Variants in PNKP observed in about 807,000 individuals in gnomAD.
PNKP encodes the protein polynucleotide kinase 3'-phosphatase.
A neutral mutation model predicts 66.2 loss-of-function variants in PNKP; 82 were observed. The observed-to-expected ratio is 1.24, with a 90% confidence interval of 1.04 to 1.49. The LOEUF is 1.49. PNKP is among the 40% of genes most tolerant of loss of function. The pLI is 0.00. For synonymous variants in PNKP, 412 were observed against 298.9 expected, an observed-to-expected ratio of 1.38 and a Z score of -3.90; for missense variants, 907 against 706.8, an observed-to-expected ratio of 1.28 and a Z score of -3.21.
chr19:49,864,214 G>C lies in PNKP; in HGVS notation c.601C>G (p.Arg201Gly), dbSNP rs1456488135. 2 of 1,614,156 alleles carry C rather than the reference G, an allele frequency of 1.2e-6. No homozygotes were observed. The highest frequency in any genetic ancestry group is 1.7e-6 in the Non-Finnish European group (2 of 1,180,026). The change falls in exon 6 of 17, where the codon CGT becomes GGT. Residue 201 changes from arginine (R) to glycine (G), a missense_variant. Transcript: ENST00000322344. ...DWRILYPEIP[R>G]KLRELEAEGY... The stretch of plus-strand genomic sequence containing the variant: ...TCGGCTTCCAGCTCTCGGAGCTTAC[G>C]GGGAATCTCTGGGTACAAGATCCTA...
Position 49,864,071 on chromosome 19 carries a change from GCTGGGGA to G in PNKP, c.637-7_637-1del. ...CTCATCTGGTTGGTGAAGATCACCAGCTGGGGAGCAAAGGGTGTCACCAGACGCTCTG... is the reference window on the plus strand; with the variant it reads ...CTCATCTGGTTGGTGAAGATCACCAGGCAAAGGGTGTCACCAGACGCTCTG... On this transcript the variant is annotated splice_acceptor_variant and splice_polypyrimidine_tract_variant and intron_variant, in intron 6 of 16. Coordinates refer to ENST00000322344, the MANE Select transcript of PNKP (RefSeq NM_007254.4). LOFTEE classifies it high-confidence loss of function. 6.2e-7 allele frequency: 1 copy of G among 1,613,570 alleles called. No homozygotes were observed. Among genetic ancestry groups the G allele is most frequent in the Non-Finnish European group, 8.5e-7 (1 of 1,179,678 alleles).
In PNKP at chr19:49,863,026, G is replaced by A. The variant is rs372618359; in HGVS notation, c.817-288C>T. ...CTACAGCTCCAGCCTCCGGCGTGCCGGCGCCTCCCAGGTTCCCCCTCCCTC... is the reference window on the plus strand; with the variant it reads ...CTACAGCTCCAGCCTCCGGCGTGCCAGCGCCTCCCAGGTTCCCCCTCCCTC... On this transcript the variant is annotated intron_variant, in intron 8 of 16. Coordinates refer to ENST00000322344, the MANE Select transcript of PNKP (RefSeq NM_007254.4). Among the ~76,000 whole-genome samples the A allele has an allele frequency of 2.1e-4, 32 of 152,170 alleles. No homozygotes were observed. In the East Asian group the frequency reaches 4.5e-3, roughly 21 times the overall value.
Position 49,861,792 on chromosome 19 carries a change from T to A in PNKP, c.1278A>T (p.Pro426=). 6.4e-7 allele frequency: 1 copy of A among 1,570,926 alleles called. No homozygotes were observed. Among genetic ancestry groups the A allele is most frequent in the Non-Finnish European group, 8.6e-7 (1 of 1,161,740 alleles). ...GCTACCTGGCGCGGCTCGCGGCGTC[T>A]GGGTTTGTGTTGTCGATGGCGACCC... ...GKRVAIDNTN[P]DAASRARYVQ... The change falls in exon 14 of 17, where the codon CCA becomes CCT. Residue 426 remains proline (P), a synonymous_variant. Coordinates refer to ENST00000322344, the MANE Select transcript of PNKP (RefSeq NM_007254.4).
In PNKP at chr19:49,862,169, G is replaced by A. The variant is rs769238431; in HGVS notation, c.1126+16C>T. The A allele has an allele frequency of 8.7e-6, 14 of 1,613,582 alleles. No individual in the cohort carries two copies. In the East Asian group the frequency reaches 3.1e-4, roughly 36 times the overall value. On this transcript the variant is annotated intron_variant, in intron 12 of 16. Coordinates refer to ENST00000322344, the MANE Select transcript of PNKP (RefSeq NM_007254.4). ...AGGCGGGGCTCAGGGCACGCGCACAGGAACAGGACACTTACCCCCAGGGAA... is the reference window on the plus strand; with the variant it reads ...AGGCGGGGCTCAGGGCACGCGCACAAGAACAGGACACTTACCCCCAGGGAA...
intron 8 of PNKP, 108 bp from the exon 9 acceptor site, chr19:49,862,846 C>A (rs1298421793): frequency 8.3e-7 from 1 of 1,209,196 alleles, no homozygotes; most frequent in Non-Finnish European, 1.2e-6. Flanking sequence ...AGGAATCATC[C>A]CCCGACCTTT....
Position 49,861,778 on chromosome 19 carries a change from C to G in PNKP, c.1292G>C (p.Arg431Pro). The G allele has an allele frequency of 1.3e-6, 2 of 1,562,572 alleles. No individual in the cohort carries two copies. The highest frequency in any genetic ancestry group is 1.7e-6 in the Non-Finnish European group (2 of 1,156,228). ...GGCCCCGCGGTCACGCTACCTGGCG[C>G]GGCTCGCGGCGTCTGGGTTTGTGTT... ...IDNTNPDAAS[R>P]ARYVQCARAA... is the part of the protein sequence containing the mutation. Residue 431 changes from arginine to proline, a missense_variant, in exon 14 of 17, where the codon CGC becomes CCC. Coordinates refer to ENST00000322344, the MANE Select transcript of PNKP (RefSeq NM_007254.4).
Position 49,862,211 on chromosome 19 carries a change from A to G in PNKP, c.1100T>C (p.Val367Ala), listed in dbSNP as rs200116829. The change falls in exon 12 of 17, where the codon GTG (valine) becomes GCG (alanine). Residue 367 changes from valine (V) to alanine (A), a missense_variant. Coordinates refer to ENST00000322344, the MANE Select transcript of PNKP (RefSeq NM_007254.4). ...CCCAGGGAATCCCACTGCGACAACC[A>G]CCTCCGGGCTGGCGCTCAGGAGGGC... ...SRALLSASPE[V>A]VVAVGFPGAG... 2 of 1,612,562 alleles carry G rather than the reference A, an allele frequency of 1.2e-6. No homozygotes were observed. Among genetic ancestry groups the G allele is most frequent in the Non-Finnish European group, 1.7e-6 (2 of 1,179,412 alleles).
intron 13 of PNKP, 74 bp from the exon 14 acceptor site, chr19:49,861,955 C>T: frequency 1.9e-6 from 3 of 1,585,870 alleles, no homozygotes; most frequent in Non-Finnish European, 2.6e-6. Context: ...GACGGGGAGG[C>T]AATGATGGAG....
At chr19:49,866,362 C>A (rs1372676081) in intron 3 of PNKP, 37 bp downstream of exon 3, 2 of 1,596,492 alleles carry the variant, frequency 1.3e-6, no homozygotes, top group Non-Finnish European at 8.6e-7. Context: ...CAAATCCCAT[C>A]CCCAGGCCTT....
chr19:49,862,487 G>C (rs2074782689), intron 10 of PNKP, 24 bp from the exon 11 acceptor site: 1 of 1,596,248 alleles, frequency 6.3e-7, no homozygotes, highest in Middle Eastern at 1.7e-4. Flanking sequence ...ACGAACATCA[G>C]ACACAGGCCA....
intron 2 of PNKP, 94 bp downstream of exon 2, chr19:49,866,960 C>G: frequency 8.0e-7 from 1 of 1,250,138 alleles, no homozygotes; most frequent in South Asian, 1.2e-5. Context: ...GGGCTGGCTG[C>G]ACCACTGCAA....
In PNKP at chr19:49,861,899, C is replaced by CACAA; in HGVS notation, c.1189-22_1189-19dup. ...AGCGTGTCCTGGGGACACGAGAGGT[C>CACAA]ACAAACAGATCGGCAGACCCAGGGG... On this transcript the variant is annotated intron_variant, in intron 13 of 16. Transcript: ENST00000322344. 1 of 1,585,866 alleles carries CACAA rather than the reference C, an allele frequency of 6.3e-7. No individual in the cohort carries two copies. The highest frequency in any genetic ancestry group is 1.1e-5 in the South Asian group (1 of 88,746).
intron 8 of PNKP, among the ~76,000 whole-genome samples, chr19:49,863,021 G>A (rs1262022474): frequency 1.3e-5 from 2 of 152,040 alleles, no homozygotes; most frequent in South Asian, 2.1e-4. Flanking sequence ...AGCCTCCGGC[G>A]TGCCGGCGCC....
Position 49,861,794 on chromosome 19 carries a change from G to A in PNKP, c.1276C>T (p.Pro426Ser), listed in dbSNP as rs1279639095. ...GKRVAIDNTN[P>S]DAASRARYVQ... Reference sequence around the variant, plus strand: ...TACCTGGCGCGGCTCGCGGCGTCTGGGTTTGTGTTGTCGATGGCGACCCGT... The same window carrying A: ...TACCTGGCGCGGCTCGCGGCGTCTGAGTTTGTGTTGTCGATGGCGACCCGT... The change falls in exon 14 of 17, where the codon CCA becomes TCA. Residue 426 changes from proline to serine, a missense_variant. By Grantham distance (74) the Pro-to-Ser change is moderately conservative. Transcript: ENST00000322344. The A allele has an allele frequency of 1.9e-6, 3 of 1,572,000 alleles. No homozygotes were observed. In the African/African-American group the frequency reaches 4.1e-5, roughly 21 times the overall value.
Position 49,862,221 on chromosome 19 carries a change from T to G in PNKP, c.1090A>C (p.Ser364Arg). ...LPESRALLSASPEVVVAVGFP... is the reference protein window; with the variant it reads ...LPESRALLSARPEVVVAVGFP... ...CCCACTGCGACAACCACCTCCGGGCTGGCGCTCAGGAGGGCCCTGGACTCG... is the reference window on the plus strand; with the variant it reads ...CCCACTGCGACAACCACCTCCGGGCGGGCGCTCAGGAGGGCCCTGGACTCG... The change falls in exon 12 of 17, where the codon AGC (serine) becomes CGC (arginine). Residue 364 changes from serine to arginine, a missense_variant. By Grantham distance (110) the Ser-to-Arg change is moderately radical (BLOSUM62 -1). Transcript: ENST00000322344. 6.2e-7 allele frequency: 1 copy of G among 1,613,066 alleles called. No homozygotes were observed. The highest frequency in any genetic ancestry group is 8.5e-7 in the Non-Finnish European group (1 of 1,179,582).
At position 49,864,404 on chromosome 19, in the gene PNKP, C is replaced by T; in HGVS notation, c.499-1G>A. 1 of 1,612,528 alleles carries T rather than the reference C, an allele frequency of 6.2e-7. No homozygotes were observed. Among genetic ancestry groups the T allele is most frequent in the Non-Finnish European group, 8.5e-7 (1 of 1,178,668 alleles). ...TCCCGTCCAGATCAAAGCCAGCCAC[C>T]TGGTGTCACCAAGGAAAGACAAACA... On this transcript the variant is annotated splice_acceptor_variant, in intron 4 of 16. Coordinates refer to ENST00000322344, the MANE Select transcript of PNKP (RefSeq NM_007254.4). LOFTEE classifies it high-confidence loss of function.
In PNKP at chr19:49,862,573, G is replaced by C; in HGVS notation, c.901C>G (p.Arg301Gly). The C allele has an allele frequency of 6.2e-7, 1 of 1,612,912 alleles. No individual in the cohort carries two copies. The highest frequency in any genetic ancestry group is 8.5e-7 in the Non-Finnish European group (1 of 1,179,488). Residue 301 changes from arginine to glycine, a missense_variant, in exon 10 of 17, where the codon CGG (arginine) becomes GGG (glycine). By Grantham distance (125) the Arg-to-Gly change is moderately radical (BLOSUM62 -2). Transcript: ENST00000322344. ...GCGCAGGAGAAGTCTTTCTTCTTCC[G>C]CCCCGGGGCCCAGTTGGCCGGGCGT... Reference protein sequence around the residue: ...AGRPANWAPGRKKKDFSCADR... With the variant: ...AGRPANWAPGGKKKDFSCADR...
At chr19:49,861,963 G>A in intron 13 of PNKP, 81 bp downstream of exon 13, 1 of 1,589,710 alleles carries the variant, frequency 6.3e-7, no homozygotes, top group Non-Finnish European at 8.6e-7. Context: ...GGCAATGATG[G>A]AGGAAAGCCG....
At position 49,866,462 on chromosome 19, in the gene PNKP, T is replaced by A; in HGVS notation, c.152-17A>T. The A allele has an allele frequency of 6.2e-7, 1 of 1,613,652 alleles. No homozygotes were observed. Among genetic ancestry groups the A allele is most frequent in the Non-Finnish European group, 8.5e-7 (1 of 1,179,746 alleles). On this transcript the variant is annotated splice_polypyrimidine_tract_variant and intron_variant, in intron 2 of 16. Coordinates refer to ENST00000322344, the MANE Select transcript of PNKP (RefSeq NM_007254.4). ...CCAGCTCCACTGAGGATTGGAGGGG[T>A]GGAGTCAGGATTTGCATCCTTGTGT... is the stretch of plus-strand genomic sequence containing the variant.
Sources: gnomAD v4.1 joint callset for allele counts (sites outside exome capture counted in the v4.1 genomes callset) on GRCh38, gnomAD v4.1.1 for gene constraint, MANE v1.5 for transcripts, NCBI Gene and HGNC (gene_info 2026-07-23, HGNC 2026-07-21) for gene names.